The following DOCK6 variants were observed in gnomAD, a reference collection of about 807,000 sequenced individuals.
DOCK6 encodes dedicator of cytokinesis 6.
A neutral mutation model predicts 230.3 loss-of-function variants in DOCK6; 167 were observed. The observed-to-expected ratio is 0.73, with a 90% CI of 0.64 to 0.82. The LOEUF (loss-of-function observed/expected upper bound fraction) is 0.82, where lower values mean the gene tolerates loss of function less well. Among genes scored for constraint, DOCK6 ranks in the 40% least tolerant of loss-of-function variants. DOCK6 has a pLI of 0.00. For missense variants in DOCK6, 2,598 were observed against 2,825.8 expected, an observed-to-expected ratio of 0.92 and a Z score of 1.83; for synonymous variants, 1,148 against 1,185.0, an observed-to-expected ratio of 0.97 and a Z score of 0.64.
intron 21 of DOCK6, among the ~76,000 whole-genome samples, chr19:11,234,934 A>G (rs1239074240): frequency 6.6e-6 from 1 of 151,564 alleles, no homozygotes; most frequent in Non-Finnish European, 1.5e-5. Context: ...CTTCTCCCAG[A>G]TCTTTCTTTC....
Position 11,236,968 on chromosome 19 carries a change from C to A in DOCK6, c.2074-89G>T. The A allele has an allele frequency of 1.5e-6, 2 of 1,365,176 alleles. No individual in the cohort carries two copies. 84.6% of individuals were successfully genotyped at this position (1,365,176 alleles called of 1,614,324 possible). ...GGCCCCAGCCATTGCGACACTGCAG[C>A]GTGAGTGTAGCCCGGTCTGGGGGTG... On this transcript the variant is annotated intron_variant, in intron 18 of 47. Coordinates refer to ENST00000294618, the MANE Select transcript of DOCK6 (RefSeq NM_020812.4). The surrounding 1 kb of genome is among the most constrained non-coding windows in gnomAD (Gnocchi z 5.2).
chr19:11,217,828 G>A (rs1171652019), intron 28 of DOCK6, among the ~76,000 whole-genome samples: 6 of 150,984 alleles, frequency 4.0e-5, no homozygotes, highest in African/African-American at 1.5e-4. Context: ...GTCTGCTCCT[G>A]GAATTCACTT....
chr19:11,225,705 TA>T (rs2079652483), intron 24 of DOCK6, among the ~76,000 whole-genome samples: 1 of 149,130 alleles, frequency 6.7e-6, no homozygotes. Flanking sequence ...CAAAAACAAA[TA>T]AAAAAACAAA....
Position 11,236,326 on chromosome 19 carries a change from C to A in DOCK6, c.2392+20G>T. 6.5e-7 allele frequency: 1 copy of A among 1,533,216 alleles called. No homozygotes were observed. The allele number at this position is 1,533,216 out of a possible 1,614,324, so 95.0% of individuals were successfully genotyped here. ...GCCATGTGGATGGGGAAACTGAGGTCTGAGGCCACATTCGCTTACCAATCT... is the reference window on the plus strand; with the variant it reads ...GCCATGTGGATGGGGAAACTGAGGTATGAGGCCACATTCGCTTACCAATCT... On this transcript the variant is annotated intron_variant, in intron 20 of 47. Coordinates refer to ENST00000294618, the MANE Select transcript of DOCK6 (RefSeq NM_020812.4). This position sits in a 1 kb window ranked among gnomAD's most constrained non-coding sequence, Gnocchi z 5.2.
chr19:11,258,744 T>C (rs1044474537), intron 1 of DOCK6, among the ~76,000 whole-genome samples: 1 of 148,464 alleles, frequency 6.7e-6, no homozygotes, highest in Non-Finnish European at 1.5e-5. Context: ...ATAACTATTC[T>C]TTAAACTTTT....
rs1328970824 is a variant in DOCK6, at chr19:11,236,749, G to T, written c.2160+44C>A. 3.2e-6 allele frequency: 5 copies of T among 1,548,844 alleles called. No homozygotes were observed. The highest frequency in any genetic ancestry group is 1.4e-5 in the African/African-American group (1 of 72,990). On this transcript the variant is annotated intron_variant, in intron 19 of 47. Coordinates refer to ENST00000294618, the MANE Select transcript of DOCK6 (RefSeq NM_020812.4). The surrounding 1 kb of genome is among the most constrained non-coding windows in gnomAD (Gnocchi z 5.2). The stretch of plus-strand genomic sequence containing the variant: ...TGTTACTCAATCGTAGGGCAGGCAA[G>T]AGGGGAGCAGGGCGGGACTCTTGGT...
chr19:11,237,975 G>C lies in DOCK6; in HGVS notation c.1832+70C>G, dbSNP rs1336389893. 3.8e-5 allele frequency: 58 copies of C among 1,534,966 alleles called. No individual in the cohort carries two copies. The East Asian group carries it at 1.2e-3, about 32-fold the overall frequency. ...CATCTTCCCATCGATGCTGCCTTAT[G>C]TGTATATATAAGGGACATCCTCCTA... On this transcript the variant is annotated intron_variant, in intron 16 of 47. Coordinates refer to ENST00000294618, the MANE Select transcript of DOCK6 (RefSeq NM_020812.4).
rs781207287 is a variant in DOCK6, at chr19:11,217,336, G to A, written c.3606C>T (p.Gly1202=). The part of the protein sequence containing the change: ...LASMLDSDTE[G]EGDIAGTINP... ...TGATGGTACCCGCAATGTCCCCTTC[G>A]CCTTCTGTGTCTGAGTCAAGCATTG... The change falls in exon 29 of 48, where the codon GGC becomes GGT. Residue 1202 remains glycine (G), a synonymous_variant. Coordinates refer to ENST00000294618, the MANE Select transcript of DOCK6 (RefSeq NM_020812.4). The A allele has an allele frequency of 5.6e-5, 90 of 1,613,326 alleles. No individual in the cohort carries two copies. Among genetic ancestry groups the A allele is most frequent in the East Asian group, 4.2e-4 (19 of 44,878 alleles).
At position 11,236,614 on chromosome 19, in the gene DOCK6, A is replaced by G. The variant is rs868244745; in HGVS notation, c.2161-37T>C. 1 of 1,535,674 alleles carries G rather than the reference A, an allele frequency of 6.5e-7. No individual in the cohort carries two copies. Among genetic ancestry groups the G allele is most frequent in the Non-Finnish European group, 8.8e-7 (1 of 1,133,130 alleles). On this transcript the variant is annotated intron_variant, in intron 19 of 47. Transcript: ENST00000294618. The surrounding 1 kb of genome is among the most constrained non-coding windows in gnomAD (Gnocchi z 5.2). ...TGTGGAGTGAGCAGGGTGGGGCCTC[A>G]GGGAATGAAGACCACCCCTGCCTGA... is the stretch of plus-strand genomic sequence containing the variant.
chr19:11,215,891 A>G lies in DOCK6; in HGVS notation c.3931T>C (p.Phe1311Leu). The G allele has an allele frequency of 1.2e-6, 2 of 1,613,742 alleles. No individual in the cohort carries two copies. Among genetic ancestry groups the G allele is most frequent in the Middle Eastern group, 1.7e-4 (1 of 6,060 alleles). ...GCCTTCATATCCAGAGATTTTTTGA[A>G]TGTGAGGCTGTTGATGCGTTCAAAG... ...KAFERINSLT[F>L]KKSLDMKARL... The change falls in exon 31 of 48, where the codon TTC (phenylalanine) becomes CTC (leucine). Residue 1311 changes from phenylalanine to leucine, a missense_variant. Physicochemically the swap from Phe to Leu is conservative, Grantham distance 22. Transcript: ENST00000294618.
intron 6 of DOCK6, among the ~76,000 whole-genome samples, chr19:11,250,433 G>A (rs2080099709): frequency 6.6e-6 from 1 of 151,794 alleles, no homozygotes; most frequent in South Asian, 2.1e-4. Context: ...TCATGCCTCA[G>A]CCTCCTGAGT....
intron 39 of DOCK6, chr19:11,206,390 TAAAAAA>T (rs563303468): frequency 7.0e-6 from 1 of 143,126 alleles, no homozygotes; most frequent in East Asian, 2.0e-4. Context: ...TCCCATCTCT[TAAAAAA>T]AAAAAATGAA....
At chr19:11,233,460 C>T (rs955278350) in intron 21 of DOCK6, 94 bp from the exon 22 acceptor site, 6 of 1,453,674 alleles carry the variant, frequency 4.1e-6, no homozygotes, top group African/African-American at 1.4e-5. Flanking sequence ...AAATCACTTT[C>T]CTTCTCTGAG....
Position 11,236,536 on chromosome 19 carries a change from C to CAGG in DOCK6, c.2199_2201dup (p.Leu734dup). The CAGG allele has an allele frequency of 1.2e-6, 2 of 1,602,570 alleles. No individual in the cohort carries two copies. Among genetic ancestry groups the CAGG allele is most frequent in the Non-Finnish European group, 1.7e-6 (2 of 1,174,902 alleles). On this transcript the variant is annotated inframe_insertion, in exon 20 of 48. Coordinates refer to ENST00000294618, the MANE Select transcript of DOCK6 (RefSeq NM_020812.4). This position sits in a 1 kb window ranked among gnomAD's most constrained non-coding sequence, Gnocchi z 5.2. ...GCCGGAATGGGAAGGCTCCCTCCTC[C>CAGG]AGGACGTGCACCAGGGTGAAGAATT...
intron 7 of DOCK6, chr19:11,247,212 C>T (rs1201050426): frequency 6.6e-6 from 1 of 152,120 alleles, no homozygotes; most frequent in East Asian, 1.9e-4. Flanking sequence ...CCTCAGCCTC[C>T]CAAGTAGTGG....
At position 11,199,497 on chromosome 19, in the gene DOCK6, TCA is replaced by T; in HGVS notation, c.6142_6143del (p.Ter2048SerfsTer60). 6.3e-7 allele frequency: 1 copy of T among 1,582,460 alleles called. No individual in the cohort carries two copies. The highest frequency in any genetic ancestry group is 8.6e-7 in the Non-Finnish European group (1 of 1,164,182). On this transcript the variant is annotated frameshift_variant and stop_lost, in exon 48 of 48. Transcript: ENST00000294618. LOFTEE classifies it high-confidence loss of function. ...AGGTACAGCTTTGGTCCTTGTGGGCTCAGAGGTCTGCCTTTCGGAAACTTGCT... is the reference window on the plus strand; with the variant it reads ...AGGTACAGCTTTGGTCCTTGTGGGCTGAGGTCTGCCTTTCGGAAACTTGCT... ...NRASFRKADL[*>X] is the part of the protein sequence containing the mutation.
At chr19:11,261,382 A>C (rs2080285522) in intron 1 of DOCK6, among the ~76,000 whole-genome samples, 2 of 132,852 alleles carry the variant, frequency 1.5e-5, no homozygotes, top group African/African-American at 5.8e-5. Context: ...TTGTCCCTAC[A>C]GCACTTGTCA....
intron 39 of DOCK6, among the ~76,000 whole-genome samples, chr19:11,207,794 G>A (rs1356298992): frequency 6.6e-6 from 1 of 151,678 alleles, no homozygotes; most frequent in Non-Finnish European, 1.5e-5. Flanking sequence ...GCCGGACATA[G>A]TGATGTGTGC....
intron 28 of DOCK6, chr19:11,221,118 C>T (rs1232184478): frequency 1.3e-5 from 2 of 152,268 alleles, no homozygotes; most frequent in African/African-American, 4.8e-5. Context: ...GCCACTGCGC[C>T]CGGCCTAATA....
Sources: gnomAD v4.1 joint callset for allele counts (sites outside exome capture counted in the v4.1 genomes callset) on GRCh38, gnomAD v4.1.1 for gene constraint, Gnocchi (gnomAD v3.1) non-coding constraint, MANE v1.5 for transcripts, NCBI Gene and HGNC (gene_info 2026-07-23, HGNC 2026-07-21) for gene names.